The following NAALADL2 variants were observed in gnomAD, a reference collection of about 807,000 sequenced individuals.
The protein encoded by NAALADL2 is N-acetylated alpha-linked acidic dipeptidase like 2, also known as inactive N-acetylated-alpha-linked acidic dipeptidase-like protein 2.
NAALADL2 carries 76 observed loss-of-function variants against 87.2 expected under a neutral mutation model. The ratio of observed to expected loss-of-function variants is 0.87; its 90% confidence interval spans 0.72 to 1.05. The LOEUF is 1.05. Among genes scored for constraint, NAALADL2 ranks in the 50% least tolerant of loss-of-function variants. The pLI, the probability that NAALADL2 is intolerant of heterozygous loss-of-function variation, is 0.00. For missense variants in NAALADL2, 1,089 were observed against 945.8 expected, an observed-to-expected ratio of 1.15 and a Z score of -1.99; for synonymous variants, 354 against 331.0, an observed-to-expected ratio of 1.07 and a Z score of -0.75.
At chr3:174,928,166 C>T (rs1298632678) in intron 1 of NAALADL2, among the ~76,000 whole-genome samples, 1 of 152,134 alleles carries the variant, frequency 6.6e-6, no homozygotes, top group Non-Finnish European at 1.5e-5. Context: ...TCACCATGTA[C>T]ATTTAACAAT....
intron 1 of NAALADL2, among the ~76,000 whole-genome samples, chr3:174,490,957 T>G (rs1207491674): frequency 6.6e-6 from 1 of 152,116 alleles, no homozygotes; most frequent in Non-Finnish European, 1.5e-5. Flanking sequence ...GATAACATAC[T>G]TTAAGAGTAT....
At chr3:174,919,668 A>C (rs1734883410) in intron 1 of NAALADL2, among the ~76,000 whole-genome samples, 1 of 152,206 alleles carries the variant, frequency 6.6e-6, no homozygotes, top group Non-Finnish European at 1.5e-5. Context: ...ATTGATGTTG[A>C]TATTTTAACC....
At chr3:175,722,857 A>C (rs1246373109) in intron 11 of NAALADL2, among the ~76,000 whole-genome samples, 1 of 152,158 alleles carries the variant, frequency 6.6e-6, no homozygotes, top group Non-Finnish European at 1.5e-5. Context: ...TAGATGCACT[A>C]TATAGCCTCT....
intron 2 of NAALADL2, among the ~76,000 whole-genome samples, chr3:174,563,985 G>T (rs774592969): frequency 1.3e-4 from 20 of 152,144 alleles, no homozygotes; most frequent in Admixed American, 2.6e-4. Flanking sequence ...GAACACTAGG[G>T]TGATCTGTCT....
At chr3:175,309,401 G>T (rs2110288703) in intron 4 of NAALADL2, among the ~76,000 whole-genome samples, 1 of 152,064 alleles carries the variant, frequency 6.6e-6, no homozygotes, top group South Asian at 2.1e-4. Flanking sequence ...GGCCAGGCTG[G>T]TCTCAAACTC....
rs1179118417 is a variant in NAALADL2, at chr3:175,093,416, T to TTATATATA, written c.44-3364_44-3357dup. The stretch of plus-strand genomic sequence containing the variant: ...TTTTTGTTGAGTTCATTTTATTTTT[T>TTATATATA]TATATATATATATATATGTTTTAAG... On this transcript the variant is annotated intron_variant, in intron 1 of 13. Transcript: ENST00000454872. 3.3e-3 allele frequency among the ~76,000 whole-genome samples: 467 copies of TTATATATA among 139,508 alleles called. 2 individuals are homozygous for TTATATATA. The highest frequency in any genetic ancestry group is 0.012 in the African/African-American group (447 of 36,458). The allele number at this position is 139,508 out of a possible 152,430, so 91.5% of individuals were successfully genotyped here.
At chr3:175,628,692 T>G (rs1727346852) in intron 11 of NAALADL2, among the ~76,000 whole-genome samples, 1 of 148,602 alleles carries the variant, frequency 6.7e-6, no homozygotes, top group African/African-American at 2.4e-5. Context: ...TATACTTTCT[T>G]GAAAGATTGA....
intron 11 of NAALADL2, among the ~76,000 whole-genome samples, chr3:175,693,314 T>A (rs1737288921): frequency 6.6e-6 from 1 of 152,162 alleles, no homozygotes; most frequent in Non-Finnish European, 1.5e-5. Flanking sequence ...TAAATTCCCC[T>A]ACACTAAATT....
chr3:175,591,079 T>C (rs1381856808), intron 10 of NAALADL2, among the ~76,000 whole-genome samples: 3 of 152,164 alleles, frequency 2.0e-5, no homozygotes, highest in Non-Finnish European at 4.4e-5. Context: ...TATCATTCCC[T>C]GATATTTTTT....
chr3:175,459,870 G>A (rs1193146956), intron 6 of NAALADL2, among the ~76,000 whole-genome samples: 1 of 152,002 alleles, frequency 6.6e-6, no homozygotes, highest in Non-Finnish European at 1.5e-5. Flanking sequence ...AATCATACAC[G>A]TTTTTACCTA....
intron 1 of NAALADL2, among the ~76,000 whole-genome samples, chr3:175,016,334 C>T (rs760337128): frequency 3.3e-5 from 5 of 149,676 alleles, no homozygotes; most frequent in Admixed American, 1.3e-4. Context: ...GAGAATATTA[C>T]GTGACTCATT....
At chr3:174,657,377 G>A (rs1291347899) in intron 2 of NAALADL2, among the ~76,000 whole-genome samples, 2 of 151,802 alleles carry the variant, frequency 1.3e-5, no homozygotes, top group Non-Finnish European at 2.9e-5. Flanking sequence ...GGCTGCTCTC[G>A]AACTCCTGAC....
At chr3:174,966,662 G>A (rs1480848198) in intron 1 of NAALADL2, among the ~76,000 whole-genome samples, 3 of 152,118 alleles carry the variant, frequency 2.0e-5, no homozygotes, top group Admixed American at 6.6e-5. Context: ...AGAAAGAGAA[G>A]TCCAGCTTAA....
chr3:174,841,772 T>C (rs965272835), intron 3 of NAALADL2, among the ~76,000 whole-genome samples: 1 of 152,226 alleles, frequency 6.6e-6, no homozygotes, highest in African/African-American at 2.4e-5. Flanking sequence ...TCTTAAACTT[T>C]AGTGTTCTAG....
At chr3:174,897,598 A>G (rs550497194) in intron 1 of NAALADL2, among the ~76,000 whole-genome samples, 8 of 152,288 alleles carry the variant, frequency 5.3e-5, no homozygotes, top group African/African-American at 1.7e-4. Context: ...CACTATGGAG[A>G]ACAGTTTGGA....
chr3:175,234,216 A>G lies in NAALADL2; in HGVS notation c.819+12A>G. 1 of 1,609,870 alleles carries G rather than the reference A, an allele frequency of 6.2e-7. No homozygotes were observed. The highest frequency in any genetic ancestry group is 8.5e-7 in the Non-Finnish European group (1 of 1,177,594). On this transcript the variant is annotated intron_variant, in intron 3 of 13. Transcript: ENST00000454872. ...AAGGAACTCTCAAGGTAATATGACC[A>G]TTTGTCTCTGTCATTTACAGTGAGA...
chr3:175,368,076 A>G (rs1302322827), intron 5 of NAALADL2, among the ~76,000 whole-genome samples: 1 of 152,092 alleles, frequency 6.6e-6, no homozygotes, highest in African/African-American at 2.4e-5. Context: ...GCGTTGTTGA[A>G]TTTTGTCAAA....
At chr3:174,522,990 A>G (rs955457057) in intron 1 of NAALADL2, among the ~76,000 whole-genome samples, 3 of 151,556 alleles carry the variant, frequency 2.0e-5, no homozygotes, top group African/African-American at 7.3e-5. Context: ...AAGAAACTCT[A>G]GAGATGTCTT....
intron 8 of NAALADL2, among the ~76,000 whole-genome samples, chr3:175,468,016 C>T (rs570091183): frequency 6.6e-6 from 1 of 152,076 alleles, no homozygotes; most frequent in South Asian, 2.1e-4. Flanking sequence ...TAATTTAATA[C>T]TGTAGTTTTT....
Sources: allele counts gnomAD v4.1 joint callset (sites outside exome capture counted in the v4.1 genomes callset), GRCh38; gene constraint gnomAD v4.1.1; transcripts MANE v1.5; gene names NCBI Gene and HGNC (gene_info 2026-07-23, HGNC 2026-07-21).